The following ZFAT variants were observed in gnomAD, a reference collection of about 807,000 sequenced individuals.
ZFAT encodes the protein zinc finger protein ZFAT.
A neutral mutation model predicts 117.7 loss-of-function variants in ZFAT; 64 were observed. The ratio of observed to expected loss-of-function variants is 0.54; its 90% CI spans 0.44 to 0.67. The LOEUF (loss-of-function observed/expected upper bound fraction) is 0.67, where lower values mean the gene tolerates loss of function less well. Ranked by LOEUF, ZFAT falls within the 30% of genes least tolerant of loss-of-function variation. The pLI, the probability that ZFAT is intolerant of heterozygous loss-of-function variation, is 0.00. For synonymous variants in ZFAT, 679 were observed against 615.0 expected, an observed-to-expected ratio of 1.10 and a Z score of -1.54; for missense variants, 1,433 against 1,584.5, an observed-to-expected ratio of 0.90 and a Z score of 1.62.
chr8:134,608,917 A>G (rs759326037), intron 4 of ZFAT, 38 bp from the exon 5 acceptor site: 5 of 1,586,868 alleles, frequency 3.2e-6, no homozygotes, highest in Non-Finnish European at 4.3e-6. Context: ...ATTGAGAGGC[A>G]TCGAAAGTGG....
At chr8:134,547,889 T>C (rs1258671264) in intron 11 of ZFAT, among the ~76,000 whole-genome samples, 1 of 152,174 alleles carries the variant, frequency 6.6e-6, no homozygotes. Flanking sequence ...GCTGAGCACC[T>C]CCTTTCTAAA....
chr8:134,514,355 G>A (rs1820091512), intron 13 of ZFAT, among the ~76,000 whole-genome samples: 3 of 152,186 alleles, frequency 2.0e-5, no homozygotes, highest in South Asian at 4.1e-4. Context: ...ATTGACACTC[G>A]AGTGTCTATT....
intron 1 of ZFAT, among the ~76,000 whole-genome samples, chr8:134,691,283 A>C (rs1448512766): frequency 2.0e-5 from 3 of 152,234 alleles, no homozygotes; most frequent in Admixed American, 6.5e-5. Flanking sequence ...CAAGCTATCC[A>C]GTGGCCCTGG....
At chr8:134,792,758 A>G in the ZFAT span, 6 of 152,212 alleles carry the variant, frequency 3.9e-5, no homozygotes, top group Non-Finnish European at 8.8e-5. Context: ...CTGTCATATG[A>G]CTAGAAAGTA....
At chr8:134,517,329 G>T (rs1586627321) in intron 13 of ZFAT, among the ~76,000 whole-genome samples, 1 of 151,820 alleles carries the variant, frequency 6.6e-6, no homozygotes, top group East Asian at 1.9e-4. Flanking sequence ...TACACAGCAG[G>T]GTATTTTGAG....
intron 2 of ZFAT, among the ~76,000 whole-genome samples, chr8:134,646,364 T>C (rs1202028208): frequency 1.3e-5 from 2 of 152,098 alleles, no homozygotes; most frequent in East Asian, 3.8e-4. Context: ...AGAAATACTT[T>C]GAGATGAACA....
chr8:134,705,377 G>GTTTTTTT (rs61505145), intron 1 of ZFAT, among the ~76,000 whole-genome samples: 1 of 137,404 alleles, frequency 7.3e-6, no homozygotes, highest in Non-Finnish European at 1.5e-5. Context: ...GTTTTTTTTT[G>GTTTTTTT]TTTTTTTTTT....
In ZFAT at chr8:134,550,310, G is replaced by GAAAAAAAAAAAAAAAA. The variant is rs10680896; in HGVS notation, c.2976+15007_2976+15022dup. On this transcript the variant is annotated intron_variant, in intron 11 of 15. Coordinates refer to ENST00000377838, the MANE Select transcript of ZFAT (RefSeq NM_020863.4). ...ATTCCATCCAGGGTTGGTCACAACG[G>GAAAAAAAAAAAAAAAA]AAAAAAAAAAAAAAAAAAAAAACAG... Among the ~76,000 whole-genome samples, 24 of 72,534 alleles carry GAAAAAAAAAAAAAAAA rather than the reference G, an allele frequency of 3.3e-4. 1 individual carries two copies. The highest frequency in any genetic ancestry group is 6.5e-4 in the South Asian group (1 of 1,532). The allele number at this position is 72,534 out of a possible 152,430, so 47.6% of individuals were successfully genotyped here. A position where few individuals can be genotyped will look rare whatever the true frequency, so the allele number is the denominator to read the frequency against.
intron 15 of ZFAT, among the ~76,000 whole-genome samples, chr8:134,487,912 G>A (rs1246120839): frequency 6.6e-6 from 1 of 152,194 alleles, no homozygotes; most frequent in African/African-American, 2.4e-5. Context: ...GCTGCTTCTC[G>A]AATGAATCAC....
At chr8:134,668,193 C>T (rs1009189925) in intron 1 of ZFAT, among the ~76,000 whole-genome samples, 10 of 152,194 alleles carry the variant, frequency 6.6e-5, no homozygotes, top group East Asian at 1.9e-4. Flanking sequence ...AGGACATAGC[C>T]GAACAAAAGC....
At chr8:134,815,358 G>A in the ZFAT span, among the ~76,000 whole-genome samples, 2 of 152,142 alleles carry the variant, frequency 1.3e-5, no homozygotes, top group African/African-American at 2.4e-5. Context: ...GACTTGCTGG[G>A]ATTTTTTTTA....
intron 15 of ZFAT, among the ~76,000 whole-genome samples, chr8:134,487,934 G>A (rs1225406298): frequency 6.6e-6 from 1 of 152,244 alleles, no homozygotes; most frequent in African/African-American, 2.4e-5. Flanking sequence ...GGGATAAAGA[G>A]TGCAGAGTGG....
rs530417263 is a variant in ZFAT, at chr8:134,685,603, A to AT, written c.19+27241dup. On this transcript the variant is annotated intron_variant, in intron 1 of 15. Coordinates refer to ENST00000377838, the MANE Select transcript of ZFAT (RefSeq NM_020863.4). ...ACCCCAAACCACATACTTAATGAGC[A>AT]TGCCCACTGCACAGGTTGGCAGCAG... 2.0e-5 allele frequency among the ~76,000 whole-genome samples: 3 copies of AT among 152,326 alleles called. No individual in the cohort carries two copies. In the South Asian group the frequency reaches 6.2e-4, roughly 32 times the overall value.
At chr8:134,623,753 T>A (rs1431282349) in intron 3 of ZFAT, among the ~76,000 whole-genome samples, 1 of 151,858 alleles carries the variant, frequency 6.6e-6, no homozygotes, top group African/African-American at 2.4e-5. Flanking sequence ...AGGGTAGTAC[T>A]CCCCTCCTCT....
the ZFAT span, among the ~76,000 whole-genome samples, chr8:134,720,373 G>C: frequency 1.3e-5 from 2 of 152,214 alleles, no homozygotes; most frequent in African/African-American, 4.8e-5. Flanking sequence ...TTTCAGGGAG[G>C]GTTTTGAGAG....
the ZFAT span, among the ~76,000 whole-genome samples, chr8:134,820,690 T>C: frequency 6.6e-6 from 1 of 152,244 alleles, no homozygotes; most frequent in Non-Finnish European, 1.5e-5. Flanking sequence ...CTTTAACATT[T>C]TATTGGTCAA....
At chr8:134,554,131 T>G (rs564765825) in intron 11 of ZFAT, among the ~76,000 whole-genome samples, 1 of 152,316 alleles carries the variant, frequency 6.6e-6, no homozygotes, top group African/African-American at 2.4e-5. Flanking sequence ...AGCCACAGTC[T>G]GCTGTCTCAG....
chr8:134,673,913 G>A (rs1050001060), intron 1 of ZFAT, among the ~76,000 whole-genome samples: 1 of 152,184 alleles, frequency 6.6e-6, no homozygotes, highest in African/African-American at 2.4e-5. Context: ...AAGAGTTCGA[G>A]ACCAGCCTGG....
At chr8:134,812,058 A>T in the ZFAT span, among the ~76,000 whole-genome samples, 1 of 152,112 alleles carries the variant, frequency 6.6e-6, no homozygotes, top group Admixed American at 6.5e-5. Context: ...ACAGGAGAAT[A>T]GCCTGAACCT....
Sources: allele counts gnomAD v4.1 joint callset (sites outside exome capture counted in the v4.1 genomes callset), GRCh38; gene constraint gnomAD v4.1.1; transcripts MANE v1.5; gene names NCBI Gene and HGNC (gene_info 2026-07-23, HGNC 2026-07-21).